The following HTR2C variants were observed in gnomAD, a reference collection of about 807,000 sequenced individuals.
HTR2C encodes the protein 5-hydroxytryptamine receptor 2C.
Under a neutral mutation model 21.0 loss-of-function variants are expected in HTR2C, and 5 were observed. The ratio of observed to expected loss-of-function variants is 0.24; its 90% CI spans 0.12 to 0.50. The LOEUF is 0.50. Among genes scored for constraint, HTR2C ranks in the 20% least tolerant of loss-of-function variants. HTR2C has a pLI of 0.98. For synonymous variants in HTR2C, 150 were observed against 145.3 expected, an observed-to-expected ratio of 1.03 and a Z score of -0.23; for missense variants, 271 against 371.2, an observed-to-expected ratio of 0.73 and a Z score of 2.22.
intron 2 of HTR2C, among the ~76,000 whole-genome samples, chrX:114,615,199 C>T (rs1419989836): frequency 9.0e-6 from 1 of 111,478 alleles, no homozygotes; most frequent in Non-Finnish European, 1.9e-5. Context: ...GATTTGACAT[C>T]AAGACAGTTG....
intron 4 of HTR2C, among the ~76,000 whole-genome samples, chrX:114,762,918 A>G (rs782327115): frequency 1.4e-4 from 16 of 112,119 alleles, no homozygotes; most frequent in Admixed American, 5.7e-4. Context: ...CCCTCTAGAA[A>G]AAGTACACTC....
At chrX:114,776,917 A>G in intron 4 of HTR2C, 1 of 147,917 alleles carries the variant, frequency 6.8e-6, no homozygotes, top group Non-Finnish European at 1.3e-5. Context: ...ATACTATGGA[A>G]CAAAAAAATG....
At chrX:114,765,461 T>A (rs917240922) in intron 4 of HTR2C, among the ~76,000 whole-genome samples, 2 of 111,037 alleles carry the variant, frequency 1.8e-5, no homozygotes, top group African/African-American at 6.5e-5. Flanking sequence ...AGGTATACAA[T>A]TTTACCTCAT....
chrX:114,748,162 T>G (rs2147364189), intron 4 of HTR2C, among the ~76,000 whole-genome samples: 1 of 112,103 alleles, frequency 8.9e-6, no homozygotes, highest in Admixed American at 9.5e-5. Flanking sequence ...GAGTACCATT[T>G]ATAATATCAT....
chrX:114,865,438 G>A (rs2071038123), intron 5 of HTR2C, among the ~76,000 whole-genome samples: 1 of 111,544 alleles, frequency 9.0e-6, no homozygotes, highest in Non-Finnish European at 1.9e-5. Flanking sequence ...TGTACATTTA[G>A]CTTTTTAAGA....
rs1680333453 is a variant in HTR2C at position 114,677,084 on chromosome X, G to T, written c.-79-49774G>T. 1.8e-5 allele frequency among the ~76,000 whole-genome samples: 2 copies of T among 111,982 alleles called. 1 individual carries two copies. Among genetic ancestry groups the T allele is most frequent in the Admixed American group, 1.9e-4 (2 of 10,448 alleles). On this transcript the variant is annotated intron_variant, in intron 2 of 5. Coordinates refer to ENST00000276198, the MANE Select transcript of HTR2C (RefSeq NM_000868.4). Reference sequence around the variant, plus strand: ...GTTAGATGTGTTGGCATATGTGCTTGTTGTGTACTTGCAGGGCCCGTGTTG... The same window carrying T: ...GTTAGATGTGTTGGCATATGTGCTTTTTGTGTACTTGCAGGGCCCGTGTTG...
At chrX:114,626,610 C>T (rs1929390711) in intron 2 of HTR2C, among the ~76,000 whole-genome samples, 1 of 111,686 alleles carries the variant, frequency 9.0e-6, no homozygotes, top group Admixed American at 9.6e-5. Context: ...AATGTTCTAT[C>T]TACTATCTAG....
intron 4 of HTR2C, among the ~76,000 whole-genome samples, chrX:114,781,359 G>T (rs1556440568): frequency 9.0e-6 from 1 of 110,843 alleles, no homozygotes; most frequent in African/African-American, 3.3e-5. Flanking sequence ...AGCCTGGTGT[G>T]GTGGTGTGTG....
intron 2 of HTR2C, among the ~76,000 whole-genome samples, chrX:114,726,351 G>T (rs1337523684): frequency 8.9e-6 from 1 of 112,489 alleles, no homozygotes; most frequent in Non-Finnish European, 1.9e-5. Context: ...CCCAAGTGAG[G>T]CAATGCCTCG....
chrX:114,811,407 A>G (rs188052955), intron 4 of HTR2C, among the ~76,000 whole-genome samples: 2 of 111,627 alleles, frequency 1.8e-5, no homozygotes, highest in Admixed American at 1.9e-4. Context: ...AAAGAGATCT[A>G]CATACTCCAA....
At chrX:114,877,971 A>C (rs2071152351) in intron 5 of HTR2C, among the ~76,000 whole-genome samples, 1 of 110,803 alleles carries the variant, frequency 9.0e-6, no homozygotes, top group Non-Finnish European at 1.9e-5. Flanking sequence ...TGTTAGATGC[A>C]TTTAGTCTCT....
chrX:114,750,130 C>T (rs2069748073), intron 4 of HTR2C, among the ~76,000 whole-genome samples: 2 of 111,591 alleles, frequency 1.8e-5, no homozygotes, highest in African/African-American at 6.5e-5. Flanking sequence ...CTAACTTAAA[C>T]GGTACCTTCA....
intron 5 of HTR2C, among the ~76,000 whole-genome samples, chrX:114,873,444 T>G (rs2071107762): frequency 1.8e-5 from 2 of 111,599 alleles, no homozygotes; most frequent in African/African-American, 6.5e-5. Context: ...CATTATGGAT[T>G]TTATTTTAGA....
chrX:114,680,708 A>G (rs1381180085), intron 2 of HTR2C, among the ~76,000 whole-genome samples: 2 of 111,673 alleles, frequency 1.8e-5, no homozygotes, highest in Non-Finnish European at 3.8e-5. Flanking sequence ...TAAGAAACAG[A>G]ATGAAGTTTG....
chrX:114,727,200 A>C (rs1239223609), intron 3 of HTR2C, among the ~76,000 whole-genome samples: 1 of 112,377 alleles, frequency 8.9e-6, no homozygotes, highest in Admixed American at 9.5e-5. Context: ...TTAAACAAGT[A>C]ATATGGTGAT....
intron 4 of HTR2C, among the ~76,000 whole-genome samples, chrX:114,731,951 C>T (rs2069541628): frequency 9.0e-6 from 1 of 111,479 alleles, no homozygotes; most frequent in Admixed American, 9.6e-5. Flanking sequence ...GTACACATAC[C>T]TACTACCATC....
intron 4 of HTR2C, among the ~76,000 whole-genome samples, chrX:114,736,148 T>A (rs1379422246): frequency 9.0e-6 from 1 of 110,715 alleles, no homozygotes; most frequent in African/African-American, 3.3e-5. Context: ...ATAATGCACT[T>A]AACATTATAT....
chrX:114,664,659 T>C (rs1429188479), intron 2 of HTR2C, among the ~76,000 whole-genome samples: 1 of 111,975 alleles, frequency 8.9e-6, no homozygotes, highest in East Asian at 2.8e-4. Flanking sequence ...TTTGCTATTA[T>C]GGATAGTGCT....
chrX:114,638,989 T>C (rs1181444093), intron 2 of HTR2C, among the ~76,000 whole-genome samples: 3 of 111,220 alleles, frequency 2.7e-5, no homozygotes, highest in African/African-American at 9.8e-5. Context: ...AACATACATG[T>C]GCATGTGTCT....
Sources: allele counts gnomAD v4.1 joint callset (sites outside exome capture counted in the v4.1 genomes callset), GRCh38; gene constraint gnomAD v4.1.1; transcripts MANE v1.5; gene names NCBI Gene and HGNC (gene_info 2026-07-23, HGNC 2026-07-21).